The following FOXP2 variants were observed in gnomAD, a reference collection of about 807,000 sequenced individuals.
FOXP2 encodes the protein forkhead box P2.
Under a neutral mutation model 115.8 loss-of-function variants are expected in FOXP2, and 12 were observed. The ratio of observed to expected loss-of-function variants is 0.10; its 90% confidence interval spans 0.07 to 0.17. FOXP2 has a LOEUF of 0.17. Ranked by LOEUF, FOXP2 falls within the 10% of genes least tolerant of loss-of-function variation. FOXP2 has a pLI of 1.00. For synonymous variants in FOXP2, 328 were observed against 297.7 expected (o/e 1.10, Z -1.05); for missense variants, 629 against 843.5 (o/e 0.75, Z 3.15).
intron 2 of FOXP2, among the ~76,000 whole-genome samples, chr7:114,511,789 C>G (rs1798090982): frequency 6.6e-6 from 1 of 151,996 alleles, no homozygotes; most frequent in Non-Finnish European, 1.5e-5. Context: ...CTCTTGAAAG[C>G]TAACATATTC....
At chr7:114,096,604 A>G (rs899748491) in intron 1 of FOXP2, among the ~76,000 whole-genome samples, 2 of 152,328 alleles carry the variant, frequency 1.3e-5, no homozygotes, top group Admixed American at 6.5e-5. Context: ...TCCTGAAAAC[A>G]TCTCATTCCC....
intron 2 of FOXP2, among the ~76,000 whole-genome samples, chr7:114,300,916 G>C (rs1796865372): frequency 6.6e-6 from 1 of 151,996 alleles, no homozygotes; most frequent in Non-Finnish European, 1.5e-5. Context: ...ACTAGGCCAA[G>C]TGATTCTTAG....
chr7:114,144,156 G>A (rs993345440), intron 1 of FOXP2, among the ~76,000 whole-genome samples: 1 of 152,060 alleles, frequency 6.6e-6, no homozygotes, highest in Non-Finnish European at 1.5e-5. Context: ...TATGATTTTC[G>A]GTAGATTAGG....
At chr7:114,387,540 GA>G (rs367598442) in intron 2 of FOXP2, among the ~76,000 whole-genome samples, 140 of 152,216 alleles carry the variant, frequency 9.2e-4, no homozygotes, top group Middle Eastern at 3.4e-3. Context: ...GGACTGAGGA[GA>G]TTTGGCCAAA....
upstream of FOXP2, among the ~76,000 whole-genome samples, chr7:114,160,894 G>C (rs1398421080): frequency 6.6e-6 from 1 of 151,834 alleles, no homozygotes; most frequent in East Asian, 1.9e-4. Flanking sequence ...ATCCTGTGAA[G>C]AAGAGTCTGG....
chr7:114,166,282 A>G (rs1584518282), intron 1 of FOXP2, among the ~76,000 whole-genome samples: 1 of 152,158 alleles, frequency 6.6e-6, no homozygotes, highest in Non-Finnish European at 1.5e-5. Context: ...AAAAATTTCT[A>G]TTTTGAGGAA....
At chr7:114,239,051 A>C (rs1414642207) in intron 1 of FOXP2, among the ~76,000 whole-genome samples, 2 of 151,648 alleles carry the variant, frequency 1.3e-5, no homozygotes, top group Admixed American at 1.3e-4. Flanking sequence ...AGCTTTACAA[A>C]CTTTTGCATT....
chr7:114,656,503 G>T (rs777340427), intron 10 of FOXP2: 75 of 454,178 alleles, frequency 1.7e-4, no homozygotes, highest in Non-Finnish European at 2.8e-4. Context: ...CTATGCAGAG[G>T]TGCTCTTGTA....
chr7:114,490,275 G>T (rs961655203), intron 2 of FOXP2, among the ~76,000 whole-genome samples: 6 of 152,074 alleles, frequency 3.9e-5, no homozygotes, highest in Admixed American at 6.6e-5. Flanking sequence ...AGATAAGGAG[G>T]AAATGTAAAT....
intron 2 of FOXP2, among the ~76,000 whole-genome samples, chr7:114,362,282 G>A (rs537045650): frequency 6.6e-6 from 1 of 152,040 alleles, no homozygotes; most frequent in South Asian, 2.1e-4. Flanking sequence ...CAAATCAAAA[G>A]AACAATGAAT....
intron 2 of FOXP2, among the ~76,000 whole-genome samples, chr7:114,462,680 A>G (rs945783177): frequency 1.2e-4 from 18 of 152,088 alleles, no homozygotes; most frequent in East Asian, 9.7e-4. Flanking sequence ...TTCTCAGCAT[A>G]GTATCTTTTC....
intron 1 of FOXP2, among the ~76,000 whole-genome samples, chr7:114,147,123 C>A (rs528339402): frequency 6.6e-6 from 1 of 152,206 alleles, no homozygotes; most frequent in South Asian, 2.1e-4. Flanking sequence ...GGATTTCAAT[C>A]ACAAATCAGC....
At chr7:114,291,094 C>T (rs940862937) in intron 2 of FOXP2, among the ~76,000 whole-genome samples, 2 of 152,062 alleles carry the variant, frequency 1.3e-5, no homozygotes, top group African/African-American at 4.8e-5. Flanking sequence ...GCTGTTATAA[C>T]AAAGTACCAT....
intron 16 of FOXP2, among the ~76,000 whole-genome samples, chr7:114,681,438 T>C (rs1808076409): frequency 6.6e-6 from 1 of 152,172 alleles, no homozygotes; most frequent in Admixed American, 6.5e-5. Context: ...ATATGTATAT[T>C]ATCAGAACTT....
chr7:114,228,401 G>T (rs1794794450), intron 1 of FOXP2, among the ~76,000 whole-genome samples: 1 of 152,002 alleles, frequency 6.6e-6, no homozygotes. Context: ...AGAGCTGAAA[G>T]AAGACAGGGA....
chr7:114,218,624 G>A (rs1244535110), intron 1 of FOXP2, among the ~76,000 whole-genome samples: 1 of 152,144 alleles, frequency 6.6e-6, no homozygotes, highest in East Asian at 1.9e-4. Flanking sequence ...ATTGATATGA[G>A]AAAGAAGATA....
intron 3 of FOXP2, among the ~76,000 whole-genome samples, chr7:114,605,106 T>C (rs1380984413): frequency 6.6e-6 from 1 of 152,182 alleles, no homozygotes; most frequent in Non-Finnish European, 1.5e-5. Context: ...GAGTTGTACT[T>C]GTCAAGAACT....
intron 2 of FOXP2, among the ~76,000 whole-genome samples, chr7:114,471,410 C>T (rs1266868740): frequency 6.6e-6 from 1 of 152,072 alleles, no homozygotes; most frequent in Non-Finnish European, 1.5e-5. Flanking sequence ...TTTGCATCAG[C>T]TAATCAACCT....
At chr7:114,124,712 T>A (rs1774604514) in intron 1 of FOXP2, among the ~76,000 whole-genome samples, 1 of 151,978 alleles carries the variant, frequency 6.6e-6, no homozygotes, top group African/African-American at 2.4e-5. Context: ...CTCATCCTCA[T>A]CCTCTTTCCT....
Sources: gnomAD v4.1 joint callset for allele counts (sites outside exome capture counted in the v4.1 genomes callset) on GRCh38, gnomAD v4.1.1 for gene constraint, MANE v1.5 for transcripts, NCBI Gene and HGNC (gene_info 2026-07-23, HGNC 2026-07-21) for gene names.